The following SMOC2 variants were observed in gnomAD, a reference collection of about 807,000 sequenced individuals.
SMOC2 encodes the protein SPARC related modular calcium binding 2, also known as SPARC-related modular calcium-binding protein 2.
In SMOC2, 39 loss-of-function variants were observed where a neutral mutation model predicts 61.4. The observed-to-expected ratio is 0.64, with a 90% CI of 0.49 to 0.83. SMOC2 has a LOEUF of 0.83. SMOC2 is among the 40% of genes least tolerant of loss of function. SMOC2 has a pLI of 0.00. For missense variants in SMOC2, 556 were observed against 592.9 expected, an observed-to-expected ratio of 0.94 and a Z score of 0.65; for synonymous variants, 247 against 239.9, an observed-to-expected ratio of 1.03 and a Z score of -0.27.
chr6:168,542,331 A>G (rs1310909464), intron 4 of SMOC2, among the ~76,000 whole-genome samples: 2 of 152,316 alleles, frequency 1.3e-5, no homozygotes, highest in African/African-American at 4.8e-5. Flanking sequence ...GCCTGGAAAC[A>G]ATGTAATATG....
intron 7 of SMOC2, among the ~76,000 whole-genome samples, chr6:168,570,149 G>C (rs188049063): frequency 1.4e-5 from 2 of 147,776 alleles, no homozygotes; most frequent in South Asian, 4.4e-4. Flanking sequence ...GGGGTCGGGG[G>C]AGGGCTCAGC....
intron 1 of SMOC2, among the ~76,000 whole-genome samples, chr6:168,491,398 G>A (rs1052425819): frequency 2.0e-5 from 3 of 152,196 alleles, no homozygotes; most frequent in African/African-American, 7.2e-5. Flanking sequence ...AGAAGAATTA[G>A]GAAAGGAGGT....
chr6:168,647,457 A>G (rs370875122), intron 9 of SMOC2, among the ~76,000 whole-genome samples: 8 of 152,226 alleles, frequency 5.3e-5, no homozygotes, highest in Non-Finnish European at 1.2e-4. Context: ...CAGAGGAGTT[A>G]CAGCAAGGGT....
chr6:168,517,509 C>T (rs1462204709), intron 2 of SMOC2, among the ~76,000 whole-genome samples: 1 of 152,232 alleles, frequency 6.6e-6, no homozygotes, highest in African/African-American at 2.4e-5. Context: ...GCCGGGGGAG[C>T]AGCTTTGCCA....
intron 1 of SMOC2, among the ~76,000 whole-genome samples, chr6:168,463,876 T>C (rs1453459226): frequency 6.6e-6 from 1 of 152,034 alleles, no homozygotes; most frequent in Admixed American, 6.5e-5. Context: ...ACTTCTCCCT[T>C]ATATCACATT....
At chr6:168,552,274 G>A (rs1784145055) in intron 7 of SMOC2, among the ~76,000 whole-genome samples, 1 of 152,124 alleles carries the variant, frequency 6.6e-6, no homozygotes, top group African/African-American at 2.4e-5. Flanking sequence ...TCAGAAGAGT[G>A]TCATTTATAC....
At chr6:168,604,978 G>A (rs1785650924) in intron 8 of SMOC2, among the ~76,000 whole-genome samples, 1 of 152,132 alleles carries the variant, frequency 6.6e-6, no homozygotes, top group Non-Finnish European at 1.5e-5. Context: ...ATCCCGGAAG[G>A]AGGGGTCCAG....
At chr6:168,516,038 G>A (rs1783125896) in intron 2 of SMOC2, among the ~76,000 whole-genome samples, 2 of 152,202 alleles carry the variant, frequency 1.3e-5, no homozygotes, top group Admixed American at 6.5e-5. Flanking sequence ...GGCTGAGGCT[G>A]TCTTTAGCAT....
At chr6:168,547,241 G>C (rs1286585015) in intron 6 of SMOC2, 72 bp downstream of exon 6, 3 of 1,365,258 alleles carry the variant, frequency 2.2e-6, no homozygotes, top group Admixed American at 1.7e-5. Flanking sequence ...CTGGGAAGTG[G>C]AGCGAGTCAT....
At chr6:168,456,376 C>A (rs1385332675) in intron 1 of SMOC2, among the ~76,000 whole-genome samples, 9 of 152,194 alleles carry the variant, frequency 5.9e-5, no homozygotes. Flanking sequence ...CATTCTCAGG[C>A]CATGGGTCTG....
chr6:168,527,561 G>A, intron 3 of SMOC2, 67 bp from the exon 4 acceptor site: 7 of 1,142,536 alleles, frequency 6.1e-6, no homozygotes, highest in African/African-American at 1.5e-5. Context: ...AGCAGAGTGG[G>A]CCTCGCAGCC....
At chr6:168,493,059 C>CA (rs1332115539) in intron 1 of SMOC2, among the ~76,000 whole-genome samples, 9 of 151,266 alleles carry the variant, frequency 5.9e-5, no homozygotes, top group African/African-American at 2.2e-4. Context: ...TTTTTTGAGA[C>CA]AGAGTCTTAC....
chr6:168,568,610 C>T (rs374137036), intron 7 of SMOC2, among the ~76,000 whole-genome samples: 4 of 152,234 alleles, frequency 2.6e-5, no homozygotes, highest in South Asian at 2.1e-4. Context: ...CCTAGAGTGA[C>T]GTGTACCCAC....
intron 9 of SMOC2, among the ~76,000 whole-genome samples, chr6:168,623,809 C>T (rs902869195): frequency 6.6e-6 from 1 of 152,118 alleles, no homozygotes; most frequent in Non-Finnish European, 1.5e-5. Context: ...CTTCGACAGC[C>T]TCCGGGACAG....
intron 9 of SMOC2, among the ~76,000 whole-genome samples, chr6:168,632,242 A>C (rs1034303695): frequency 2.6e-5 from 4 of 152,232 alleles, no homozygotes; most frequent in African/African-American, 9.6e-5. Context: ...CATATTAACC[A>C]TCCATCTCAA....
intron 2 of SMOC2, among the ~76,000 whole-genome samples, chr6:168,520,680 G>A (rs913639462): frequency 6.6e-6 from 1 of 152,244 alleles, no homozygotes; most frequent in African/African-American, 2.4e-5. Context: ...ATTGCAGTAG[G>A]AAGCTGAGTG....
intron 2 of SMOC2, among the ~76,000 whole-genome samples, chr6:168,519,689 A>T (rs1209016028): frequency 6.6e-6 from 1 of 152,164 alleles, no homozygotes; most frequent in Non-Finnish European, 1.5e-5. Flanking sequence ...CGCACAGCCT[A>T]GGGAGCTTCT....
intron 7 of SMOC2, among the ~76,000 whole-genome samples, chr6:168,569,348 G>A (rs1469515346): frequency 6.6e-6 from 1 of 152,132 alleles, no homozygotes; most frequent in East Asian, 1.9e-4. Context: ...TGTCGGTTCA[G>A]ATATTATGCC....
rs780661797 is a variant in SMOC2 at position 168,544,499 on chromosome 6, G to A, written c.511+827G>A. 3.9e-5 allele frequency among the ~76,000 whole-genome samples: 6 copies of A among 151,928 alleles called. No homozygotes were observed. Among genetic ancestry groups the A allele is most frequent in the African/African-American group, 7.3e-5 (3 of 41,372 alleles). ...ACCAGCCTGGCCAAAATGGTGAAAC[G>A]CCATCTCTACTAAAAAGACAAAAAT... On this transcript the variant is annotated intron_variant, in intron 5 of 12. Transcript: ENST00000356284. The surrounding 1 kb of genome is among the most constrained non-coding windows in gnomAD (Gnocchi z 4.1).
Sources: gnomAD v4.1 joint callset for allele counts (sites outside exome capture counted in the v4.1 genomes callset) on GRCh38, gnomAD v4.1.1 for gene constraint, Gnocchi (gnomAD v3.1) non-coding constraint, MANE v1.5 for transcripts, NCBI Gene and HGNC (gene_info 2026-07-23, HGNC 2026-07-21) for gene names.